The following DLGAP1 variants were observed in gnomAD, a reference collection of about 807,000 sequenced individuals.
The protein encoded by DLGAP1 is DLG associated protein 1.
DLGAP1 carries 11 observed loss-of-function variants against 90.8 expected under a neutral mutation model. The ratio of observed to expected loss-of-function variants is 0.12; its 90% CI spans 0.08 to 0.20. The LOEUF (loss-of-function observed/expected upper bound fraction) is 0.20, where lower values mean the gene tolerates loss of function less well. Ranked by LOEUF, DLGAP1 falls within the 10% of genes least tolerant of loss-of-function variation. The pLI is 1.00. For missense variants in DLGAP1, 1,050 were observed against 1,333.8 expected (o/e 0.79, Z 3.31); for synonymous variants, 558 against 540.7 (o/e 1.03, Z -0.44).
intron 5 of DLGAP1, among the ~76,000 whole-genome samples, chr18:3,795,964 T>C (rs78064865): frequency 0.014 from 2,107 of 152,180 alleles, 51 homozygotes; most frequent in African/African-American, 0.047. Flanking sequence ...AGCCGCAGGA[T>C]TGGGCCAGTC....
intron 1 of DLGAP1, among the ~76,000 whole-genome samples, chr18:4,440,951 T>C (rs1164415248): frequency 6.6e-6 from 1 of 152,240 alleles, no homozygotes; most frequent in Non-Finnish European, 1.5e-5. Flanking sequence ...TTTAACAATG[T>C]CTACTTAAAT....
At chr18:4,099,706 T>TTTC (rs1157192295) in intron 2 of DLGAP1, among the ~76,000 whole-genome samples, 2 of 150,416 alleles carry the variant, frequency 1.3e-5, no homozygotes, top group African/African-American at 4.9e-5. Context: ...TTTTTACTTT[T>TTTC]TTTTTTTTTT....
At chr18:4,026,939 G>A (rs368734768) in intron 2 of DLGAP1, among the ~76,000 whole-genome samples, 1 of 152,070 alleles carries the variant, frequency 6.6e-6, no homozygotes, top group African/African-American at 2.4e-5. Context: ...CAGCCCCAAG[G>A]GAGGCTCGGC....
At chr18:4,220,980 T>C (rs1403463108) in intron 1 of DLGAP1, among the ~76,000 whole-genome samples, 2 of 152,140 alleles carry the variant, frequency 1.3e-5, no homozygotes, top group African/African-American at 4.8e-5. Context: ...ATGTTATAAT[T>C]ACCTACAGTA....
chr18:3,641,554 AAAG>A (rs1221064331), intron 7 of DLGAP1, among the ~76,000 whole-genome samples: 3 of 144,894 alleles, frequency 2.1e-5, no homozygotes, highest in Admixed American at 2.0e-4. Context: ...AAAAAAAAAA[AAAG>A]AACATAAGAC....
chr18:3,589,899 T>A (rs569730791), intron 7 of DLGAP1, among the ~76,000 whole-genome samples: 17 of 152,278 alleles, frequency 1.1e-4, no homozygotes, highest in African/African-American at 3.8e-4. Flanking sequence ...CAACAAGCCC[T>A]CAAAAAGAAG....
At chr18:3,530,769 A>G (rs1474317594) in intron 10 of DLGAP1, among the ~76,000 whole-genome samples, 2 of 152,204 alleles carry the variant, frequency 1.3e-5, no homozygotes, top group Non-Finnish European at 2.9e-5. Flanking sequence ...AGTGGCACTA[A>G]CAGGGGCAAA....
At chr18:4,040,470 T>A (rs560646627) in intron 2 of DLGAP1, among the ~76,000 whole-genome samples, 1 of 152,312 alleles carries the variant, frequency 6.6e-6, no homozygotes, top group East Asian at 1.9e-4. Flanking sequence ...ATAACAGGTC[T>A]AGGATGCAGA....
chr18:4,405,761 T>C (rs1313029776), intron 1 of DLGAP1, among the ~76,000 whole-genome samples: 4 of 152,156 alleles, frequency 2.6e-5, no homozygotes, highest in South Asian at 2.1e-4. Flanking sequence ...CTTAAAACAC[T>C]AGAATCACTG....
intron 1 of DLGAP1, among the ~76,000 whole-genome samples, chr18:4,343,580 A>G (rs1301957131): frequency 6.6e-6 from 1 of 151,894 alleles, no homozygotes; most frequent in Non-Finnish European, 1.5e-5. Context: ...AATCAATGTT[A>G]CTTTCCTTTC....
intron 10 of DLGAP1, among the ~76,000 whole-genome samples, chr18:3,528,775 G>C (rs72859822): frequency 0.017 from 2,618 of 152,268 alleles, 40 homozygotes; most frequent in Non-Finnish European, 0.024. Context: ...TGGTGACTCT[G>C]TCCTGGGCGC....
At chr18:4,034,972 C>A (rs2074864265) in intron 2 of DLGAP1, among the ~76,000 whole-genome samples, 1 of 151,746 alleles carries the variant, frequency 6.6e-6, no homozygotes, top group Admixed American at 6.6e-5. Context: ...ATGATGGTTT[C>A]CAGCTTCATC....
rs115128442 is a variant in DLGAP1 at position 4,153,641 on chromosome 18, C to T, written c.-266-2354G>A. ...ATTTGAGTATCAGAAGATTCAGGTACGTTTTCTCATTAGCAACAATTTACA... is the reference window on the plus strand; with the variant it reads ...ATTTGAGTATCAGAAGATTCAGGTATGTTTTCTCATTAGCAACAATTTACA... On this transcript the variant is annotated intron_variant, in intron 1 of 12. Transcript: ENST00000315677. Among the ~76,000 whole-genome samples the T allele has an allele frequency of 3.7e-3, 562 of 152,206 alleles. 3 individuals are homozygous for T. The highest frequency in any genetic ancestry group is 0.013 in the African/African-American group (530 of 41,536).
At chr18:4,019,813 GCGCACACACACACACATACACA>G (rs1568355261) in intron 2 of DLGAP1, among the ~76,000 whole-genome samples, 1 of 141,670 alleles carries the variant, frequency 7.1e-6, no homozygotes, top group African/African-American at 2.7e-5. Context: ...GCGCGTGTGC[GCGCACACACACACACATACACA>G]CGCACACACC....
intron 5 of DLGAP1, among the ~76,000 whole-genome samples, chr18:3,811,238 T>C (rs2066824528): frequency 6.6e-6 from 1 of 152,220 alleles, no homozygotes; most frequent in Non-Finnish European, 1.5e-5. Flanking sequence ...AGTGGAACTA[T>C]GAGAAATGAT....
intron 4 of DLGAP1, among the ~76,000 whole-genome samples, chr18:3,831,938 T>C (rs1235184746): frequency 5.9e-5 from 9 of 152,232 alleles, no homozygotes; most frequent in Non-Finnish European, 4.4e-5. Flanking sequence ...TCATTCAAGT[T>C]ATCAGTGCAA....
chr18:3,904,796 A>G (rs1437164822), intron 3 of DLGAP1, among the ~76,000 whole-genome samples: 2 of 152,154 alleles, frequency 1.3e-5, no homozygotes, highest in African/African-American at 4.8e-5. Context: ...ACTCCTTAAG[A>G]AACCTTAAGA....
chr18:3,550,164 G>A (rs998652513), intron 9 of DLGAP1, among the ~76,000 whole-genome samples: 1 of 151,692 alleles, frequency 6.6e-6, no homozygotes, highest in South Asian at 2.1e-4. Context: ...CACCTGCCTC[G>A]GCCTCCCAAA....
chr18:3,626,922 T>A (rs902992460), intron 7 of DLGAP1, among the ~76,000 whole-genome samples: 2 of 151,838 alleles, frequency 1.3e-5, no homozygotes, highest in African/African-American at 4.8e-5. Flanking sequence ...AAGAAAATAT[T>A]TGAAGCTAAG....
Sources: allele counts gnomAD v4.1 joint callset (sites outside exome capture counted in the v4.1 genomes callset), GRCh38; gene constraint gnomAD v4.1.1; transcripts MANE v1.5; gene names NCBI Gene and HGNC (gene_info 2026-07-23, HGNC 2026-07-21).